Variants in KAZN observed in about 807,000 individuals in gnomAD.
KAZN encodes the protein kazrin.
In KAZN, 40 loss-of-function variants were observed where a neutral mutation model predicts 87.4. That is an observed-to-expected ratio of 0.46 (90% confidence interval 0.36 to 0.60). KAZN has a LOEUF of 0.60. Ranked by LOEUF, KAZN falls within the 20% of genes least tolerant of loss-of-function variation. KAZN has a pLI of 0.00. For missense variants in KAZN, 898 were observed against 1,073.9 expected, an observed-to-expected ratio of 0.84 and a Z score of 2.29; for synonymous variants, 466 against 458.3, an observed-to-expected ratio of 1.02 and a Z score of -0.22.
At chr1:14,178,343 C>T (rs546851150) in intron 1 of KAZN, among the ~76,000 whole-genome samples, 43 of 152,290 alleles carry the variant, frequency 2.8e-4, no homozygotes, top group African/African-American at 8.4e-4. Flanking sequence ...CCCACCTCTG[C>T]CAACGAGACT....
chr1:13,983,094 G>T (rs1275912534), intron 1 of KAZN, among the ~76,000 whole-genome samples: 2 of 152,262 alleles, frequency 1.3e-5, no homozygotes, highest in Non-Finnish European at 2.9e-5. Flanking sequence ...GAGCCCAGCT[G>T]GCTTCACCCA....
chr1:14,786,681 C>T (rs570389027), intron 1 of KAZN, among the ~76,000 whole-genome samples: 2 of 152,286 alleles, frequency 1.3e-5, no homozygotes, highest in South Asian at 4.2e-4. Context: ...CTCACTGAAT[C>T]AGGATAAAGA....
chr1:14,998,097 ACT>A (rs1290591657), intron 2 of KAZN, among the ~76,000 whole-genome samples: 4 of 148,454 alleles, frequency 2.7e-5, no homozygotes, highest in Non-Finnish European at 5.9e-5. Context: ...GGCCTCGGAC[ACT>A]CTCCAGTGGA....
chr1:14,028,421 C>CA (rs1386949434), intron 1 of KAZN, among the ~76,000 whole-genome samples: 3 of 152,122 alleles, frequency 2.0e-5, no homozygotes, highest in African/African-American at 7.2e-5. Flanking sequence ...ATCTAATCAC[C>CA]TCCTCATGCA....
chr1:13,975,937 A>AT, intron 1 of KAZN, among the ~76,000 whole-genome samples: 1 of 152,336 alleles, frequency 6.6e-6, no homozygotes, highest in Middle Eastern at 3.4e-3. Flanking sequence ...TCTCTCCTAG[A>AT]TTTAGGCCAC....
chr1:14,809,991 C>T (rs77196863), intron 1 of KAZN, among the ~76,000 whole-genome samples: 3,849 of 152,202 alleles, frequency 0.025, 105 homozygotes, highest in African/African-American at 0.068. Flanking sequence ...TCTTTGTTTT[C>T]GGAGGCTGTC....
At chr1:14,618,901 G>A (rs1044173680) in intron 1 of KAZN, among the ~76,000 whole-genome samples, 2 of 152,214 alleles carry the variant, frequency 1.3e-5, no homozygotes, top group Admixed American at 1.3e-4. Flanking sequence ...TCGCTTGAGT[G>A]GAAGTCTGGA....
At chr1:14,675,674 G>A (rs190474955) in intron 1 of KAZN, among the ~76,000 whole-genome samples, 16 of 152,038 alleles carry the variant, frequency 1.1e-4, no homozygotes, top group Admixed American at 1.3e-4. Flanking sequence ...AGCTGAACTC[G>A]GTCTTCTTCT....
chr1:13,957,442 G>A (rs892494862), intron 1 of KAZN, among the ~76,000 whole-genome samples: 3 of 152,190 alleles, frequency 2.0e-5, no homozygotes, highest in African/African-American at 7.2e-5. Context: ...GGAGTGACTT[G>A]GGGATGGGTT....
intron 1 of KAZN, among the ~76,000 whole-genome samples, chr1:14,110,531 T>G (rs1338551753): frequency 2.0e-5 from 3 of 152,236 alleles, no homozygotes; most frequent in Admixed American, 2.0e-4. Flanking sequence ...CAGATCATTT[T>G]GTAGTTTTTT....
chr1:14,390,337 A>C (rs1662311195), intron 2 of KAZN, among the ~76,000 whole-genome samples: 1 of 152,228 alleles, frequency 6.6e-6, no homozygotes, highest in South Asian at 2.1e-4. Flanking sequence ...ATGATTTATA[A>C]TGTAAACTTC....
At chr1:14,932,459 T>G (rs1659950809) in intron 1 of KAZN, among the ~76,000 whole-genome samples, 1 of 152,172 alleles carries the variant, frequency 6.6e-6, no homozygotes. Flanking sequence ...GAGGAGAGCC[T>G]GCGTGGGGCC....
chr1:14,764,481 G>T (rs1644835126), intron 1 of KAZN, among the ~76,000 whole-genome samples: 1 of 144,324 alleles, frequency 6.9e-6, no homozygotes, highest in Non-Finnish European at 1.5e-5. Context: ...CATATTCTTT[G>T]TTATCCGCCG....
intron 1 of KAZN, among the ~76,000 whole-genome samples, chr1:13,938,619 C>T (rs1459291211): frequency 6.6e-6 from 1 of 152,216 alleles, no homozygotes; most frequent in Non-Finnish European, 1.5e-5. Context: ...CACAGATAAT[C>T]TTTACTAGGG....
intron 1 of KAZN, among the ~76,000 whole-genome samples, chr1:14,865,625 C>A (rs968375197): frequency 3.3e-5 from 5 of 152,176 alleles, no homozygotes; most frequent in African/African-American, 1.2e-4. Flanking sequence ...CCTTCTACGA[C>A]CACCCTCCCC....
chr1:14,289,375 T>G (rs1653504015), intron 2 of KAZN, among the ~76,000 whole-genome samples: 2 of 152,232 alleles, frequency 1.3e-5, no homozygotes, highest in African/African-American at 4.8e-5. Context: ...CTGTATTGGG[T>G]GCATATATAT....
chr1:13,908,878 C>T (rs1014209805), intron 1 of KAZN, among the ~76,000 whole-genome samples: 3 of 152,130 alleles, frequency 2.0e-5, no homozygotes, highest in South Asian at 2.1e-4. Flanking sequence ...TAAGGACTTT[C>T]GTGAGCTGGA....
At chr1:14,710,753 T>A (rs1486798612) in intron 1 of KAZN, among the ~76,000 whole-genome samples, 1 of 152,168 alleles carries the variant, frequency 6.6e-6, no homozygotes, top group Non-Finnish European at 1.5e-5. Context: ...CATTTGACCT[T>A]TTGTGTATTT....
Position 15,099,856 on chromosome 1 carries a change from G to C in KAZN, c.1548-1687G>C, listed in dbSNP as rs910040663. On this transcript the variant is annotated intron_variant, in intron 10 of 14. Coordinates refer to ENST00000376030, the MANE Select transcript of KAZN (RefSeq NM_201628.3). This position sits in a 1 kb window ranked among gnomAD's most constrained non-coding sequence, Gnocchi z 5.4. ...CCACACCAGAGACGCCTGCAGCTTA[G>C]AGCTGGGAAAGGAGAGAAGTGGACA... 1.3e-5 allele frequency among the ~76,000 whole-genome samples: 2 copies of C among 152,188 alleles called. No homozygotes were observed. The highest frequency in any genetic ancestry group is 4.8e-5 in the African/African-American group (2 of 41,444).
Sources: allele counts gnomAD v4.1 joint callset (sites outside exome capture counted in the v4.1 genomes callset), GRCh38; gene constraint gnomAD v4.1.1; non-coding constraint Gnocchi (gnomAD v3.1); transcripts MANE v1.5; gene names NCBI Gene and HGNC (gene_info 2026-07-23, HGNC 2026-07-21).